STK3: variants seen among roughly 807,000 people sequenced by gnomAD.
The protein encoded by STK3 is serine/threonine-protein kinase 3.
A neutral mutation model predicts 58.0 loss-of-function variants in STK3; 41 were observed. The observed-to-expected ratio is 0.71, with a 90% CI of 0.55 to 0.92. The LOEUF is 0.92. Among genes scored for constraint, STK3 ranks in the 40% least tolerant of loss-of-function variants. STK3 has a pLI of 0.00. For missense variants in STK3, 479 were observed against 602.7 expected (o/e 0.79, Z 2.15); for synonymous variants, 170 against 191.0 (o/e 0.89, Z 0.91).
intron 3 of STK3, among the ~76,000 whole-genome samples, chr8:98,869,013 AAAAAG>A: frequency 7.1e-6 from 1 of 140,646 alleles, no homozygotes; most frequent in Non-Finnish European, 1.5e-5. Context: ...AGAGAGAGAG[AAAAAG>A]GAAAGAAGGA....
At chr8:98,528,726 G>A (rs1825930371) in intron 9 of STK3, among the ~76,000 whole-genome samples, 1 of 152,032 alleles carries the variant, frequency 6.6e-6, no homozygotes, top group Non-Finnish European at 1.5e-5. Flanking sequence ...AGAATTTTTT[G>A]TGGGGAGTAC....
At chr8:98,914,624 G>C (rs1839277146) in intron 1 of STK3, among the ~76,000 whole-genome samples, 2 of 152,158 alleles carry the variant, frequency 1.3e-5, no homozygotes. Context: ...GTACTGGATT[G>C]TTTTCTGTCC....
chr8:98,712,898 A>G (rs2131122574), intron 4 of STK3, among the ~76,000 whole-genome samples: 1 of 152,344 alleles, frequency 6.6e-6, no homozygotes, highest in Admixed American at 6.5e-5. Context: ...AGCACTCCTC[A>G]GCAAATGTAA....
intron 7 of STK3, chr8:98,595,769 GAA>G: frequency 3.4e-6 from 1 of 292,884 alleles, no homozygotes. Flanking sequence ...AGGAACAGAA[GAA>G]AAAAAAAACA....
intron 10 of STK3, among the ~76,000 whole-genome samples, chr8:98,502,678 T>C (rs1176206274): frequency 6.6e-6 from 1 of 152,246 alleles, no homozygotes; most frequent in Non-Finnish European, 1.5e-5. Context: ...GTTTTTGTCA[T>C]TGATTCTGTT....
At chr8:98,695,973 A>G (rs1182077145) in intron 6 of STK3, among the ~76,000 whole-genome samples, 1 of 151,902 alleles carries the variant, frequency 6.6e-6, no homozygotes, top group Non-Finnish European at 1.5e-5. Context: ...CATTTTCACG[A>G]TATTGATTCT....
chr8:98,443,660 C>A lies in STK3; in HGVS notation n.186-6452G>T, dbSNP rs190991142. 3.9e-5 allele frequency among the ~76,000 whole-genome samples: 6 copies of A among 152,206 alleles called. No individual in the cohort carries two copies. In the East Asian group the frequency reaches 1.2e-3, roughly 29 times the overall value. On this transcript the variant is annotated intron_variant and non_coding_transcript_variant, in intron 1 of 3. Coordinates refer to the STK3 transcript ENST00000517832. ...GTCAGGAGTTTGAGACCAGCCTAGGCAATATGGCGAAACACTGTCTCTACT... is the reference window on the plus strand; with the variant it reads ...GTCAGGAGTTTGAGACCAGCCTAGGAAATATGGCGAAACACTGTCTCTACT...
At chr8:98,710,764 C>A (rs939894133) in intron 4 of STK3, among the ~76,000 whole-genome samples, 4 of 152,228 alleles carry the variant, frequency 2.6e-5, no homozygotes, top group African/African-American at 9.6e-5. Flanking sequence ...ACTTAAATGT[C>A]CCTGTCTGAC....
rs553441672 is a variant in STK3, at chr8:98,597,594, C to T, written c.685-1425G>A. The T allele has an allele frequency of 5.0e-5, 49 of 985,354 alleles. No individual in the cohort carries two copies. The South Asian group carries it at 1.7e-3, about 34-fold the overall frequency. The allele number at this position is 985,354 out of a possible 1,614,324, so 61.0% of individuals were successfully genotyped here. On this transcript the variant is annotated intron_variant, in intron 6 of 10. Coordinates refer to ENST00000419617, the MANE Select transcript of STK3 (RefSeq NM_006281.4). ...CCAAATAGTGCCAGTGGACCTACTTCGTTCAGACAAAATCAATCTCACATT... is the reference window on the plus strand; with the variant it reads ...CCAAATAGTGCCAGTGGACCTACTTTGTTCAGACAAAATCAATCTCACATT...
intron 1 of STK3, among the ~76,000 whole-genome samples, chr8:98,914,484 ACACACACACTCT>A (rs1239511209): frequency 2.8e-5 from 4 of 142,584 alleles, no homozygotes; most frequent in African/African-American, 7.4e-5. Context: ...ACACACACAC[ACACACACACTCT>A]CTCTCTCTCT....
At position 98,408,778 on chromosome 8, in the gene STK3, T is replaced by G. The variant is rs992792124; in HGVS notation, n.484-7265A>C. Among the ~76,000 whole-genome samples the G allele has an allele frequency of 5.3e-5, 8 of 152,218 alleles. No homozygotes were observed. The South Asian group carries it at 6.2e-4, about 12-fold the overall frequency. On this transcript the variant is annotated intron_variant and non_coding_transcript_variant, in intron 3 of 3. Coordinates refer to the STK3 transcript ENST00000517832. Reference sequence around the variant, plus strand: ...TTCCCGTTCTGCTTAGACAATAGGCTGGATAAATGAGCATGCATAGCCAGG... The same window carrying G: ...TTCCCGTTCTGCTTAGACAATAGGCGGGATAAATGAGCATGCATAGCCAGG...
chr8:98,738,614 G>C (rs1449431579), intron 4 of STK3, among the ~76,000 whole-genome samples: 2 of 152,264 alleles, frequency 1.3e-5, no homozygotes, highest in Admixed American at 1.3e-4. Flanking sequence ...CGGGAGCCAA[G>C]ATGGCTGAAT....
At chr8:98,372,102 C>T (rs1395866101) in intron 2 of STK3, among the ~76,000 whole-genome samples, 3 of 152,102 alleles carry the variant, frequency 2.0e-5, no homozygotes, top group African/African-American at 7.2e-5. Context: ...TGGAGTAATG[C>T]AGTTGCAAGG....
At chr8:98,839,049 TG>T (rs34154680) in intron 3 of STK3, among the ~76,000 whole-genome samples, 39,536 of 148,070 alleles carry the variant, frequency 0.27, 5,928 homozygotes, top group East Asian at 0.45. Flanking sequence ...GTTTGATTTT[TG>T]GGGGGGGGCG....
chr8:98,565,999 T>C (rs1812450679), intron 8 of STK3, among the ~76,000 whole-genome samples: 1 of 152,184 alleles, frequency 6.6e-6, no homozygotes, highest in African/African-American at 2.4e-5. Flanking sequence ...AACTTTGATA[T>C]TGGATTAACC....
intron 6 of STK3, among the ~76,000 whole-genome samples, chr8:98,699,350 C>T (rs1259036976): frequency 6.6e-6 from 1 of 152,240 alleles, no homozygotes; most frequent in Admixed American, 6.5e-5. Flanking sequence ...CTGAAGCCTT[C>T]TTCTCTCAAC....
chr8:98,872,045 AGCATGAAGG>A (rs1489682633), intron 3 of STK3, among the ~76,000 whole-genome samples: 1 of 152,178 alleles, frequency 6.6e-6, no homozygotes, highest in Non-Finnish European at 1.5e-5. Flanking sequence ...GAGAGTTTTT[AGCATGAAGG>A]GCTGTTGAAT....
intron 3 of STK3, among the ~76,000 whole-genome samples, chr8:98,754,237 G>T (rs1046478940): frequency 3.3e-5 from 5 of 151,878 alleles, no homozygotes; most frequent in African/African-American, 1.2e-4. Context: ...TACAGACTTA[G>T]AACTGCAACA....
intron 6 of STK3, chr8:98,598,551 C>A (rs1816025479): frequency 1.0e-6 from 1 of 985,218 alleles, no homozygotes; most frequent in African/African-American, 1.7e-5. Flanking sequence ...ACTAATTTAA[C>A]TAATTTAACC....
Sources: allele counts gnomAD v4.1 joint callset (sites outside exome capture counted in the v4.1 genomes callset), GRCh38; gene constraint gnomAD v4.1.1; transcripts MANE v1.5; gene names NCBI Gene and HGNC (gene_info 2026-07-23, HGNC 2026-07-21).